CTNNA2: variants seen among roughly 807,000 people sequenced by gnomAD.
The protein encoded by CTNNA2 is catenin alpha-2.
CTNNA2 carries 42 observed loss-of-function variants against 101.0 expected under a neutral mutation model. The observed-to-expected ratio is 0.42, with a 90% CI of 0.32 to 0.54. The LOEUF is 0.54. Ranked by LOEUF, CTNNA2 falls within the 20% of genes least tolerant of loss-of-function variation. CTNNA2 has a pLI of 0.14. For synonymous variants in CTNNA2, 450 were observed against 456.4 expected, an observed-to-expected ratio of 0.99 and a Z score of 0.18; for missense variants, 871 against 1,223.1, an observed-to-expected ratio of 0.71 and a Z score of 4.29.
chr2:79,667,248 C>T (rs1194746641), intron 2 of CTNNA2, among the ~76,000 whole-genome samples: 1 of 152,076 alleles, frequency 6.6e-6, no homozygotes, highest in African/African-American at 2.4e-5. Context: ...GAGAGTAGTC[C>T]CTCTTGGGCC....
At chr2:79,980,487 C>T (rs1691187050) in intron 7 of CTNNA2, among the ~76,000 whole-genome samples, 1 of 151,998 alleles carries the variant, frequency 6.6e-6, no homozygotes, top group Non-Finnish European at 1.5e-5. Context: ...GATGCATTTC[C>T]TCTGAAATTA....
chr2:79,441,645 T>C (rs569342373), intron 4 of CTNNA2, among the ~76,000 whole-genome samples: 1 of 152,290 alleles, frequency 6.6e-6, no homozygotes, highest in East Asian at 1.9e-4. Flanking sequence ...GCAGTCACCC[T>C]AGTTCTGCCT....
chr2:79,399,806 C>T (rs1431083605), intron 4 of CTNNA2, among the ~76,000 whole-genome samples: 1 of 152,012 alleles, frequency 6.6e-6, no homozygotes, highest in Non-Finnish European at 1.5e-5. Flanking sequence ...AAAGAACTGA[C>T]ATTCACTATT....
chr2:80,409,728 C>G (rs2149392043), intron 8 of CTNNA2, among the ~76,000 whole-genome samples: 1 of 152,272 alleles, frequency 6.6e-6, no homozygotes, highest in South Asian at 2.1e-4. Flanking sequence ...CACCTCTGAG[C>G]TAATTGCATT....
Position 80,619,642 on chromosome 2 carries a change from G to T in CTNNA2, c.2574+414G>T, listed in dbSNP as rs546444674. ...CTCATGTTTGCCATGAGAATCAGTG[G>T]GCCCTTCTAAAACTGTGGAGGTTAA... On this transcript the variant is annotated intron_variant, in intron 18 of 18. Transcript: ENST00000402739. Among the ~76,000 whole-genome samples, 5 of 151,860 alleles carry T rather than the reference G, an allele frequency of 3.3e-5. No homozygotes were observed. In the East Asian group the frequency reaches 7.8e-4, roughly 24 times the overall value.
chr2:80,182,262 T>TG (rs1311508894), intron 7 of CTNNA2, among the ~76,000 whole-genome samples: 17 of 152,126 alleles, frequency 1.1e-4, no homozygotes, highest in Admixed American at 1.1e-3. Context: ...CTGAAGAACT[T>TG]GGAGTCCAAT....
intron 2 of CTNNA2, among the ~76,000 whole-genome samples, chr2:79,273,362 G>A (rs1675132874): frequency 6.6e-6 from 1 of 151,970 alleles, no homozygotes; most frequent in South Asian, 2.1e-4. Context: ...GGTGGCACCT[G>A]TGGCTGCAGC....
At chr2:80,396,918 A>G (rs1328283631) in intron 8 of CTNNA2, among the ~76,000 whole-genome samples, 2 of 152,218 alleles carry the variant, frequency 1.3e-5, no homozygotes, top group African/African-American at 4.8e-5. Flanking sequence ...TATTATTACA[A>G]TCAAAACATT....
intron 9 of CTNNA2, among the ~76,000 whole-genome samples, chr2:80,442,221 G>A (rs988050789): frequency 6.6e-6 from 1 of 152,206 alleles, no homozygotes; most frequent in African/African-American, 2.4e-5. Flanking sequence ...TTTTGAGGCA[G>A]TATGGTGATG....
At chr2:80,516,651 A>T (rs772900142) in intron 9 of CTNNA2, among the ~76,000 whole-genome samples, 4 of 152,222 alleles carry the variant, frequency 2.6e-5, no homozygotes, top group Non-Finnish European at 5.9e-5. Context: ...TATTCATCTT[A>T]ATGCAGAGTT....
At chr2:80,484,487 AT>A (rs1436729966) in intron 9 of CTNNA2, among the ~76,000 whole-genome samples, 3 of 152,208 alleles carry the variant, frequency 2.0e-5, no homozygotes, top group African/African-American at 7.2e-5. Flanking sequence ...TGATTGAAAT[AT>A]GTAAACAAAC....
chr2:80,066,548 TCA>T (rs1697997358), intron 7 of CTNNA2, among the ~76,000 whole-genome samples: 2 of 152,186 alleles, frequency 1.3e-5, no homozygotes, highest in Non-Finnish European at 1.5e-5. Context: ...AGCTATCACC[TCA>T]CACTTTTTAG....
At chr2:79,722,206 G>T (rs1054413974) in intron 2 of CTNNA2, among the ~76,000 whole-genome samples, 2 of 152,102 alleles carry the variant, frequency 1.3e-5, no homozygotes, top group Non-Finnish European at 2.9e-5. Context: ...AGCAACATAG[G>T]CATGGGCTCA....
At chr2:79,988,492 GTGTGTGTGTA>G (rs951588875) in intron 7 of CTNNA2, among the ~76,000 whole-genome samples, 4 of 116,176 alleles carry the variant, frequency 3.4e-5, no homozygotes, top group African/African-American at 6.5e-5. Context: ...GTGTGTGTGT[GTGTGTGTGTA>G]TTAGCTTCTA....
chr2:79,335,781 A>T (rs537985296), intron 3 of CTNNA2, among the ~76,000 whole-genome samples: 21 of 152,328 alleles, frequency 1.4e-4, no homozygotes, highest in African/African-American at 4.8e-4. Flanking sequence ...AGAACAGCTC[A>T]ATCTATGTAA....
chr2:79,259,591 G>T (rs1296404284), intron 2 of CTNNA2, among the ~76,000 whole-genome samples: 5 of 152,152 alleles, frequency 3.3e-5, no homozygotes, highest in Admixed American at 2.0e-4. Flanking sequence ...CCAGGATCCT[G>T]CAGGAGATAG....
At chr2:79,887,891 C>A (rs1558614300) in intron 6 of CTNNA2, among the ~76,000 whole-genome samples, 1 of 152,122 alleles carries the variant, frequency 6.6e-6, no homozygotes, top group Non-Finnish European at 1.5e-5. Context: ...TTCTTTCTAA[C>A]TGGAAACAAG....
chr2:79,334,680 T>A (rs541991425), intron 3 of CTNNA2, among the ~76,000 whole-genome samples: 1 of 152,108 alleles, frequency 6.6e-6, no homozygotes, highest in Non-Finnish European at 1.5e-5. Flanking sequence ...TGTGGTTATA[T>A]GTTTCATAGA....
intron 5 of CTNNA2, among the ~76,000 whole-genome samples, chr2:79,871,773 C>T (rs986587961): frequency 6.6e-6 from 1 of 152,018 alleles, no homozygotes; most frequent in Non-Finnish European, 1.5e-5. Context: ...ACAGATGTGC[C>T]GATTTTGAGA....
Sources: allele counts gnomAD v4.1 joint callset (sites outside exome capture counted in the v4.1 genomes callset), GRCh38; gene constraint gnomAD v4.1.1; transcripts MANE v1.5; gene names NCBI Gene and HGNC (gene_info 2026-07-23, HGNC 2026-07-21).